DHX34: variants seen among roughly 807,000 people sequenced by gnomAD.
DHX34 encodes probable ATP-dependent RNA helicase DHX34.
Under a neutral mutation model 111.1 loss-of-function variants are expected in DHX34, and 96 were observed. The ratio of observed to expected loss-of-function variants is 0.86; its 90% CI spans 0.73 to 1.02. The LOEUF is 1.02. Ranked by LOEUF, DHX34 falls within the 50% of genes least tolerant of loss-of-function variation. The probability of loss-of-function intolerance (pLI) is 0.00; values close to 1 mark genes in which losing one functional copy is unlikely to be tolerated. For missense variants in DHX34, 1,560 were observed against 1,579.9 expected (o/e 0.99, Z 0.21); for synonymous variants, 688 against 670.4 (o/e 1.03, Z -0.41).
intron 3 of DHX34, among the ~76,000 whole-genome samples, chr19:47,356,276 A>G (rs1467987493): frequency 6.6e-6 from 1 of 152,072 alleles, no homozygotes; most frequent in Non-Finnish European, 1.5e-5. Flanking sequence ...GAAGAACTTC[A>G]TTGTCTCTTG....
At chr19:47,355,452 T>C in intron 3 of DHX34, 102 bp downstream of exon 3, 1 of 1,477,808 alleles carries the variant, frequency 6.8e-7, no homozygotes, top group Non-Finnish European at 9.1e-7. Flanking sequence ...CCCATCTCTT[T>C]CATTTAAAGA....
At chr19:47,373,236 C>T (rs1970026717) in intron 8 of DHX34, among the ~76,000 whole-genome samples, 1 of 151,992 alleles carries the variant, frequency 6.6e-6, no homozygotes, top group Non-Finnish European at 1.5e-5. Flanking sequence ...CTTGAGTCCT[C>T]ACCCTAACCC....
intron 2 of DHX34, 57 bp from the exon 3 acceptor site, chr19:47,354,981 CA>C: frequency 1.3e-6 from 2 of 1,586,104 alleles, no homozygotes; most frequent in Non-Finnish European, 1.7e-6. Context: ...TGGGCAGGGC[CA>C]GGGGCTGGTA....
rs755930971 is a variant in DHX34, at chr19:47,367,146, G to A, written c.1759G>A (p.Val587Ile). 2.0e-5 allele frequency: 31 copies of A among 1,534,596 alleles called. No individual in the cohort carries two copies. Among genetic ancestry groups the A allele is most frequent in the African/African-American group, 5.6e-5 (4 of 71,606 alleles). The change falls in exon 7 of 17, where the codon GTT becomes ATT. Residue 587 changes from valine to isoleucine, a missense_variant. Transcript: ENST00000328771. ...CCTGCTAGCCCAGCTGCCTGTGGAC[G>A]TTGTGATTGGTGAGTACCCACCCCC... ...GSLLAQLPVD[V>I]VIGKMLILGS...
intron 4 of DHX34, among the ~76,000 whole-genome samples, chr19:47,358,912 G>A (rs377743509): frequency 2.0e-4 from 30 of 152,276 alleles, no homozygotes; most frequent in African/African-American, 6.3e-4. Context: ...CACTGTGTCC[G>A]GCCTCCGTTA....
chr19:47,372,511 A>G (rs985403177), intron 7 of DHX34: 10 of 770,622 alleles, frequency 1.3e-5, no homozygotes, highest in Non-Finnish European at 1.4e-5. Flanking sequence ...GCCATCTCCA[A>G]TCTACAAATG....
intron 9 of DHX34, 26 bp from the exon 10 acceptor site, chr19:47,375,440 C>T: frequency 2.6e-6 from 4 of 1,563,522 alleles, no homozygotes; most frequent in Non-Finnish European, 3.4e-6. Flanking sequence ...GCCCTGAGGC[C>T]CTCACCCCTA....
At chr19:47,373,831 A>C in intron 9 of DHX34, 131 bp downstream of exon 9, 1 of 1,161,802 alleles carries the variant, frequency 8.6e-7, no homozygotes, top group Non-Finnish European at 1.2e-6. Flanking sequence ...CTCCCCCACC[A>C]CCCGGTGACC....
At chr19:47,369,393 C>T (rs552564200) in intron 7 of DHX34, among the ~76,000 whole-genome samples, 24 of 152,330 alleles carry the variant, frequency 1.6e-4, no homozygotes, top group South Asian at 8.3e-4. Context: ...CTGCCCACTT[C>T]GGCCTTTCAA....
intron 7 of DHX34, among the ~76,000 whole-genome samples, chr19:47,367,856 A>T (rs1171290060): frequency 7.0e-6 from 1 of 141,914 alleles, no homozygotes; most frequent in Non-Finnish European, 1.5e-5. Context: ...AGACCATGCC[A>T]TTGTACTCTA....
At position 47,352,737 on chromosome 19, in the gene DHX34, C is replaced by G. The variant is rs1969323765; in HGVS notation, c.-277-17C>G. ...GTTCCCAAAAGAGAATTAATGTCTT[C>G]TGTTCTCTCTCTTAAGAATCCAGGG... On this transcript the variant is annotated splice_polypyrimidine_tract_variant and intron_variant, in intron 1 of 16. Transcript: ENST00000328771. The G allele has an allele frequency of 2.4e-6, 1 of 421,572 alleles. No homozygotes were observed. Among genetic ancestry groups the G allele is most frequent in the Non-Finnish European group, 4.2e-6 (1 of 238,672 alleles). 26.1% of individuals were successfully genotyped at this position (421,572 alleles called of 1,614,324 possible).
Position 47,372,861 on chromosome 19 carries a change from C to T in DHX34, c.1900C>T (p.Pro634Ser), listed in dbSNP as rs769617768. 5 of 1,611,336 alleles carry T rather than the reference C, an allele frequency of 3.1e-6. No individual in the cohort carries two copies. The African/African-American group carries it at 4.0e-5, about 13-fold the overall frequency. Residue 634 changes from proline (P) to serine (S), a missense_variant, in exon 8 of 17, where the codon CCG (proline) becomes TCG (serine). Pro to Ser is a moderately conservative substitution (Grantham distance 74, BLOSUM62 -1). Transcript: ENST00000328771. ...CCCAGAGTGCGCGGCAGCACGGCGG[C>T]CGCTGGAGAGCGACCAGGGTGACCC... is the stretch of plus-strand genomic sequence containing the variant. ...SSPECAAARR[P>S]LESDQGDPFT...
In DHX34 at chr19:47,374,663, AC is replaced by A. The variant is rs1375191837; in HGVS notation, c.2065-802del. Among the ~76,000 whole-genome samples the A allele has an allele frequency of 5.3e-5, 8 of 152,104 alleles. No homozygotes were observed. The East Asian group carries it at 1.6e-3, about 29-fold the overall frequency. On this transcript the variant is annotated intron_variant, in intron 9 of 16. Coordinates refer to ENST00000328771, the MANE Select transcript of DHX34 (RefSeq NM_014681.6). ...CCCAGAGGGGGCAGTCACCCAGCCGACACCTCCGGTACCATTTCTGGGGTCC... is the reference window on the plus strand; with the variant it reads ...CCCAGAGGGGGCAGTCACCCAGCCGAACCTCCGGTACCATTTCTGGGGTCC...
chr19:47,353,625 C>T lies in DHX34; in HGVS notation c.595C>T (p.Leu199=), dbSNP rs1362517611. 1.2e-6 allele frequency: 2 copies of T among 1,613,044 alleles called. No individual in the cohort carries two copies. Among genetic ancestry groups the T allele is most frequent in the Non-Finnish European group, 1.7e-6 (2 of 1,179,934 alleles). ...CAAGTCCACTCAGGTGCCCCAGTAC[C>T]TGCTGGCTGCTGGCTTCAGTCATGT... ...CGKSTQVPQY[L]LAAGFSHVAC... The change falls in exon 2 of 17, where the codon CTG becomes TTG. Residue 199 remains leucine, a synonymous_variant. Transcript: ENST00000328771. The surrounding 1 kb of genome is among the most constrained non-coding windows in gnomAD (Gnocchi z 4.6).
intron 3 of DHX34, 109 bp from the exon 4 acceptor site, chr19:47,357,757 G>C (rs1471050319): frequency 6.8e-7 from 1 of 1,468,212 alleles, no homozygotes; most frequent in East Asian, 2.5e-5. Context: ...GTTGCACTGT[G>C]TCTTCTCCGT....
At position 47,380,716 on chromosome 19, in the gene DHX34, G is replaced by T. The variant is rs549507323; in HGVS notation, c.2983-100G>T. 99 of 1,538,950 alleles carry T rather than the reference G, an allele frequency of 6.4e-5. 1 individual carries two copies. In the South Asian group the frequency reaches 1.2e-3, roughly 18 times the overall value. On this transcript the variant is annotated intron_variant, in intron 14 of 16. Coordinates refer to ENST00000328771, the MANE Select transcript of DHX34 (RefSeq NM_014681.6). ...GTGTAAGCACTTGGCTCCCGTAACT[G>T]CAAAGCCCGAGGGAGGGCTTCAGGC...
chr19:47,355,154 A>G lies in DHX34; in HGVS notation c.821A>G (p.Glu274Gly), dbSNP rs776123391. ...IQREPSLPQYEVLIVDEVHER... is the reference protein window; with the variant it reads ...IQREPSLPQYGVLIVDEVHER... ...CGGGAACCCAGCCTGCCCCAGTATG[A>G]GGTCCTGATTGTGGATGAAGTCCAT... The change falls in exon 3 of 17, where the codon GAG becomes GGG. Residue 274 changes from glutamate (E) to glycine (G), a missense_variant. Transcript: ENST00000328771. The G allele has an allele frequency of 6.2e-7, 1 of 1,613,800 alleles. No homozygotes were observed. Among genetic ancestry groups the G allele is most frequent in the Non-Finnish European group, 8.5e-7 (1 of 1,179,978 alleles).
intron 7 of DHX34, among the ~76,000 whole-genome samples, chr19:47,370,359 C>T (rs889065740): frequency 6.6e-6 from 1 of 152,174 alleles, no homozygotes; most frequent in African/African-American, 2.4e-5. Context: ...CAGCGTGTCC[C>T]CAGCTCTGCC....
At chr19:47,371,746 C>A (rs1204557685) in intron 7 of DHX34, among the ~76,000 whole-genome samples, 1 of 152,100 alleles carries the variant, frequency 6.6e-6, no homozygotes, top group African/African-American at 2.4e-5. Context: ...ATTACAGGCG[C>A]CTGCCACCAC....
Sources: allele counts gnomAD v4.1 joint callset (sites outside exome capture counted in the v4.1 genomes callset), GRCh38; gene constraint gnomAD v4.1.1; non-coding constraint Gnocchi (gnomAD v3.1); transcripts MANE v1.5; gene names NCBI Gene and HGNC (gene_info 2026-07-23, HGNC 2026-07-21).